TDRD3: variants seen among roughly 807,000 people sequenced by gnomAD.
The protein encoded by TDRD3 is tudor domain-containing protein 3.
Under a neutral mutation model 86.7 loss-of-function variants are expected in TDRD3, and 45 were observed. The observed-to-expected ratio is 0.52, with a 90% CI of 0.41 to 0.67. TDRD3 has a LOEUF of 0.67. TDRD3 is among the 30% of genes least tolerant of loss of function. TDRD3 has a pLI of 0.00. For missense variants in TDRD3, 814 were observed against 889.0 expected (o/e 0.92, Z 1.07); for synonymous variants, 298 against 301.7 (o/e 0.99, Z 0.13).
At chr13:60,518,767 A>C (rs1291030164) in intron 10 of TDRD3, among the ~76,000 whole-genome samples, 1 of 152,186 alleles carries the variant, frequency 6.6e-6, no homozygotes, top group Admixed American at 6.5e-5. Context: ...AGCTACAAAC[A>C]TCTCCAGACT....
chr13:60,446,100 T>C (rs1456470474), intron 3 of TDRD3, among the ~76,000 whole-genome samples: 3 of 152,208 alleles, frequency 2.0e-5, no homozygotes, highest in African/African-American at 7.2e-5. Context: ...AATGTAACTT[T>C]TCACATGAAA....
At chr13:60,488,937 A>G (rs914191158) in intron 7 of TDRD3, among the ~76,000 whole-genome samples, 1 of 151,944 alleles carries the variant, frequency 6.6e-6, no homozygotes, top group African/African-American at 2.4e-5. Context: ...TATGTTCCTT[A>G]TATATTCTAG....
chr13:60,402,771 C>T lies in TDRD3; in HGVS notation c.41+5366C>T, dbSNP rs79561392. Among the ~76,000 whole-genome samples the T allele has an allele frequency of 1.4e-4, 18 of 130,402 alleles. 1 individual carries two copies. The highest frequency in any genetic ancestry group is 4.7e-4 in the African/African-American group (16 of 34,110). The allele number at this position is 130,402 out of a possible 152,430, so 85.5% of individuals were successfully genotyped here. A position where few individuals can be genotyped will look rare whatever the true frequency, so the allele number is the denominator to read the frequency against. Reference sequence around the variant, plus strand: ...AGAGTGCAATGGCGCGATCTTGGTTCGTCGCAACCTCCACCTCCCAGGTTC... The same window carrying T: ...AGAGTGCAATGGCGCGATCTTGGTTTGTCGCAACCTCCACCTCCCAGGTTC... On this transcript the variant is annotated intron_variant, in intron 1 of 13. Coordinates refer to ENST00000377881, the MANE Select transcript of TDRD3 (RefSeq NM_001146070.2).
intron 2 of TDRD3, among the ~76,000 whole-genome samples, chr13:60,442,170 C>T (rs1357504635): frequency 6.6e-6 from 1 of 151,982 alleles, no homozygotes; most frequent in Non-Finnish European, 1.5e-5. Context: ...CATTGAAATC[C>T]AGCATGTAAG....
upstream of TDRD3, chr13:60,396,753 C>G (rs1052591802): frequency 6.6e-6 from 1 of 152,280 alleles, no homozygotes; most frequent in African/African-American, 2.4e-5. Context: ...TTTTTCTTTG[C>G]GTCCGGGCGG....
rs1239105859 is a variant in TDRD3 at position 60,567,556 on chromosome 13, A to G, written c.2150A>G (p.Glu717Gly). 2.5e-6 allele frequency: 4 copies of G among 1,614,046 alleles called. No individual in the cohort carries two copies. In the African/African-American group the frequency reaches 4.0e-5, roughly 16 times the overall value. Reference sequence around the variant, plus strand: ...GAAGGCACCTACGATCAAACTCTGGAGTTCCGTAGGGGAGGTGATGGCCAG... The same window carrying G: ...GAAGGCACCTACGATCAAACTCTGGGGTTCCGTAGGGGAGGTGATGGCCAG... ...EEEGTYDQTLEFRRGGDGQPR... is the reference protein window; with the variant it reads ...EEEGTYDQTLGFRRGGDGQPR... The change falls in exon 13 of 14, where the codon GAG becomes GGG. Residue 717 changes from glutamate (E) to glycine (G), a missense_variant. Physicochemically the swap from Glu to Gly is moderately conservative, Grantham distance 98 (BLOSUM62 -2). Transcript: ENST00000377881.
chr13:60,495,614 C>T (rs891534749), intron 8 of TDRD3, among the ~76,000 whole-genome samples: 7 of 152,076 alleles, frequency 4.6e-5, no homozygotes, highest in African/African-American at 1.7e-4. Context: ...TAGGCACCTG[C>T]CACCACACCC....
At chr13:60,512,374 C>T (rs9538726) in intron 10 of TDRD3, among the ~76,000 whole-genome samples, 22,470 of 151,776 alleles carry the variant, frequency 0.15, 2,060 homozygotes, top group South Asian at 0.28. Context: ...CCATATCGTT[C>T]CACCCCCAGC....
At chr13:60,525,407 C>T (rs1197493749) in intron 10 of TDRD3, among the ~76,000 whole-genome samples, 2 of 151,808 alleles carry the variant, frequency 1.3e-5, no homozygotes, top group African/African-American at 4.8e-5. Flanking sequence ...CTCCTGACCT[C>T]AGGTGATCCA....
At chr13:60,519,647 A>G (rs990301105) in intron 10 of TDRD3, among the ~76,000 whole-genome samples, 35 of 152,196 alleles carry the variant, frequency 2.3e-4, no homozygotes, top group African/African-American at 8.2e-4. Flanking sequence ...TGCCAGTAGT[A>G]TAATGGTAGC....
At chr13:60,478,022 A>ATT (rs35880320) in intron 5 of TDRD3, among the ~76,000 whole-genome samples, 3 of 151,342 alleles carry the variant, frequency 2.0e-5, no homozygotes, top group East Asian at 1.9e-4. Context: ...TGGTTAAGAG[A>ATT]TTTTTTTTTA....
chr13:60,494,667 T>C, intron 8 of TDRD3, 92 bp downstream of exon 8: 2 of 1,223,478 alleles, frequency 1.6e-6, no homozygotes, highest in East Asian at 2.4e-5. Flanking sequence ...CTTTGTGCAA[T>C]GTATTATGGA....
intron 12 of TDRD3, among the ~76,000 whole-genome samples, chr13:60,539,605 G>T (rs4886238): frequency 6.6e-6 from 1 of 151,214 alleles, no homozygotes; most frequent in Non-Finnish European, 1.5e-5. Flanking sequence ...TCATGTTAGC[G>T]TACTTTAAAA....
At chr13:60,566,647 AT>A in intron 12 of TDRD3, among the ~76,000 whole-genome samples, 1 of 152,112 alleles carries the variant, frequency 6.6e-6, no homozygotes, top group East Asian at 1.9e-4. Flanking sequence ...CTGAGAGCTA[AT>A]TTTTTCTCTC....
chr13:60,431,701 A>AC (rs1372464088), intron 1 of TDRD3, among the ~76,000 whole-genome samples: 31 of 124,156 alleles, frequency 2.5e-4, no homozygotes, highest in African/African-American at 8.8e-4. Flanking sequence ...GACTATCTTT[A>AC]CCAAAAAAAA....
chr13:60,498,657 G>A (rs1390926205), intron 8 of TDRD3, among the ~76,000 whole-genome samples: 1 of 152,174 alleles, frequency 6.6e-6, no homozygotes, highest in Non-Finnish European at 1.5e-5. Flanking sequence ...TCCCTTGAAT[G>A]AAGGGGAGGC....
At chr13:60,442,185 AC>A (rs1746933900) in intron 2 of TDRD3, among the ~76,000 whole-genome samples, 2 of 152,206 alleles carry the variant, frequency 1.3e-5, no homozygotes, top group Non-Finnish European at 2.9e-5. Context: ...TGTAAGTTTT[AC>A]GTTCAAATAC....
At chr13:60,560,770 A>G (rs910328915) in intron 12 of TDRD3, among the ~76,000 whole-genome samples, 3 of 152,204 alleles carry the variant, frequency 2.0e-5, no homozygotes, top group African/African-American at 7.2e-5. Context: ...TTTAGAAAAT[A>G]TAGTATTTAA....
At chr13:60,502,222 GAT>G (rs1233077599) in intron 8 of TDRD3, among the ~76,000 whole-genome samples, 1 of 152,106 alleles carries the variant, frequency 6.6e-6, no homozygotes, top group African/African-American at 2.4e-5. Flanking sequence ...CCAGAACTAG[GAT>G]ATTGATCCAG....
Sources: gnomAD v4.1 joint callset for allele counts (sites outside exome capture counted in the v4.1 genomes callset) on GRCh38, gnomAD v4.1.1 for gene constraint, MANE v1.5 for transcripts, NCBI Gene and HGNC (gene_info 2026-07-23, HGNC 2026-07-21) for gene names.